Variants in PRKCB observed in about 807,000 individuals in gnomAD.
PRKCB encodes protein kinase C beta, also known as protein kinase C beta type.
A neutral mutation model predicts 81.5 loss-of-function variants in PRKCB; 13 were observed. The ratio of observed to expected loss-of-function variants is 0.16; its 90% CI spans 0.10 to 0.25. PRKCB has a LOEUF of 0.25. Among genes scored for constraint, PRKCB ranks in the 10% least tolerant of loss-of-function variants. The pLI, the probability that PRKCB is intolerant of heterozygous loss-of-function variation, is 1.00. For missense variants in PRKCB, 509 were observed against 875.7 expected, an observed-to-expected ratio of 0.58 and a Z score of 5.29; for synonymous variants, 335 against 321.4, an observed-to-expected ratio of 1.04 and a Z score of -0.45.
At chr16:23,990,667 C>G (rs1964874672) in intron 3 of PRKCB, among the ~76,000 whole-genome samples, 1 of 151,988 alleles carries the variant, frequency 6.6e-6, no homozygotes, top group African/African-American at 2.4e-5. Context: ...CCCACCTCAG[C>G]CGCCCACGTA....
chr16:24,185,905 C>A (rs1009595791), intron 15 of PRKCB, among the ~76,000 whole-genome samples: 4 of 152,198 alleles, frequency 2.6e-5, no homozygotes, highest in Non-Finnish European at 5.9e-5. Flanking sequence ...GGAAAGGGCA[C>A]AAGAGGTCTT....
intron 2 of PRKCB, among the ~76,000 whole-genome samples, chr16:23,887,744 C>A (rs1050539947): frequency 6.6e-6 from 1 of 152,216 alleles, no homozygotes; most frequent in Non-Finnish European, 1.5e-5. Context: ...AATGGCAATT[C>A]TATTTTTAGT....
intron 2 of PRKCB, among the ~76,000 whole-genome samples, chr16:23,851,286 A>T (rs1962468475): frequency 6.6e-6 from 1 of 152,210 alleles, no homozygotes; most frequent in South Asian, 2.1e-4. Context: ...GTCTAATTGC[A>T]TTCTTCTACA....
chr16:23,875,070 T>G (rs1029710519), intron 2 of PRKCB, among the ~76,000 whole-genome samples: 6 of 149,232 alleles, frequency 4.0e-5, no homozygotes, highest in Non-Finnish European at 8.9e-5. Context: ...GGGGTCTTGC[T>G]CTGTTGCCCA....
chr16:23,956,979 T>TGAA (rs1964357670), intron 2 of PRKCB, among the ~76,000 whole-genome samples: 1 of 45,956 alleles, frequency 2.2e-5, no homozygotes, highest in Non-Finnish European at 3.9e-5. Flanking sequence ...CTATAGGCAG[T>TGAA]AAAAAAAAAA....
intron 2 of PRKCB, among the ~76,000 whole-genome samples, chr16:23,901,617 T>C (rs1455878909): frequency 6.6e-6 from 1 of 152,072 alleles, no homozygotes; most frequent in Non-Finnish European, 1.5e-5. Context: ...AGGAATGAAA[T>C]GGGAAGTTGG....
intron 3 of PRKCB, among the ~76,000 whole-genome samples, chr16:24,011,171 A>G (rs1372718627): frequency 6.6e-6 from 1 of 150,528 alleles, no homozygotes; most frequent in Non-Finnish European, 1.5e-5. Context: ...CCCAGCCACC[A>G]CTCTATTTTT....
rs1555481693 is a variant in PRKCB at position 23,882,021 on chromosome 16, T to TCTCTTTCTTTCTTTCTTC, written c.205+44617_205+44618insCTTTCTTTCTTTCTTCCT. On this transcript the variant is annotated intron_variant, in intron 2 of 16. Coordinates refer to ENST00000643927, the MANE Select transcript of PRKCB (RefSeq NM_002738.7). ...TTCTTTCTTTCTTTCTTTCTTTCTT[T>TCTCTTTCTTTCTTTCTTC]CTTCCTTCCTTCCTTCCTTCCTTCC... Among the ~76,000 whole-genome samples, 8 of 55,634 alleles carry TCTCTTTCTTTCTTTCTTC rather than the reference T, an allele frequency of 1.4e-4. 1 individual carries two copies. The highest frequency in any genetic ancestry group is 1.7e-3 in the South Asian group (2 of 1,166). The allele number at this position is 55,634 out of a possible 152,430, so 36.5% of individuals were successfully genotyped here.
chr16:23,886,416 T>TG (rs1963202928), intron 2 of PRKCB, among the ~76,000 whole-genome samples: 1 of 114,978 alleles, frequency 8.7e-6, no homozygotes, highest in African/African-American at 3.2e-5. Flanking sequence ...GTTTTTTTTT[T>TG]TTTTTTTTTT....
At chr16:24,036,216 G>T (rs1349041810) in intron 5 of PRKCB, among the ~76,000 whole-genome samples, 1 of 151,706 alleles carries the variant, frequency 6.6e-6, no homozygotes, top group African/African-American at 2.4e-5. Context: ...GCTGCTGGTG[G>T]TGGTGGTGGT....
chr16:24,135,937 AC>A (rs1313993692), intron 9 of PRKCB, among the ~76,000 whole-genome samples: 4 of 152,098 alleles, frequency 2.6e-5, no homozygotes, highest in Non-Finnish European at 4.4e-5. Context: ...AGTGTTTGCT[AC>A]CTGTTTCCTT....
At chr16:24,084,123 G>A (rs1226614904) in intron 5 of PRKCB, among the ~76,000 whole-genome samples, 1 of 152,084 alleles carries the variant, frequency 6.6e-6, no homozygotes, top group Non-Finnish European at 1.5e-5. Flanking sequence ...GTGCTCCAAT[G>A]GGGATGGCAG....
chr16:23,884,581 C>G (rs1258379455), intron 2 of PRKCB, among the ~76,000 whole-genome samples: 1 of 152,192 alleles, frequency 6.6e-6, no homozygotes, highest in Non-Finnish European at 1.5e-5. Context: ...GTCGCCTAGA[C>G]TGGAATGCAG....
intron 2 of PRKCB, among the ~76,000 whole-genome samples, chr16:23,879,243 G>A (rs975349114): frequency 3.3e-5 from 5 of 151,996 alleles, no homozygotes; most frequent in African/African-American, 9.7e-5. Context: ...TGGTTTTCAT[G>A]TTTTGTGGGC....
chr16:24,147,034 C>T (rs969518666), intron 9 of PRKCB, among the ~76,000 whole-genome samples: 3 of 152,124 alleles, frequency 2.0e-5, no homozygotes, highest in African/African-American at 7.2e-5. Flanking sequence ...TATGGCCGGG[C>T]GCGGTGGCTC....
intron 9 of PRKCB, among the ~76,000 whole-genome samples, chr16:24,150,059 G>T (rs1967055518): frequency 6.6e-6 from 1 of 152,110 alleles, no homozygotes; most frequent in Non-Finnish European, 1.5e-5. Flanking sequence ...GGCTGAGTGT[G>T]GTGGCTTACG....
At chr16:24,009,426 A>ATTT (rs550009011) in intron 3 of PRKCB, among the ~76,000 whole-genome samples, 1 of 139,836 alleles carries the variant, frequency 7.2e-6, no homozygotes. Flanking sequence ...TAGGATGACT[A>ATTT]TTTTTTTTTT....
chr16:24,059,630 G>A (rs569799849), intron 5 of PRKCB, among the ~76,000 whole-genome samples: 3 of 152,060 alleles, frequency 2.0e-5, no homozygotes, highest in Non-Finnish European at 4.4e-5. Context: ...TCACAGCACT[G>A]CACTCCAGCC....
Position 24,107,198 on chromosome 16 carries a change from A to G in PRKCB, c.822-5775A>G, listed in dbSNP as rs141194913. 1.6e-4 allele frequency among the ~76,000 whole-genome samples: 24 copies of G among 152,330 alleles called. No individual in the cohort carries two copies. The East Asian group carries it at 4.4e-3, about 28-fold the overall frequency. ...TTTGTTCCCTTTTCACAGATGCACC[A>G]ACCTCTTGAATCTCACTGCAAATAT... On this transcript the variant is annotated intron_variant, in intron 7 of 16. Coordinates refer to ENST00000643927, the MANE Select transcript of PRKCB (RefSeq NM_002738.7).
Sources: allele counts gnomAD v4.1 joint callset (sites outside exome capture counted in the v4.1 genomes callset), GRCh38; gene constraint gnomAD v4.1.1; transcripts MANE v1.5; gene names NCBI Gene and HGNC (gene_info 2026-07-23, HGNC 2026-07-21).